Variants in SLC12A3 observed in about 807,000 individuals in gnomAD.
SLC12A3 encodes solute carrier family 12 member 3.
SLC12A3 carries 104 observed loss-of-function variants against 121.0 expected under a neutral mutation model. The ratio of observed to expected loss-of-function variants is 0.86; its 90% CI spans 0.73 to 1.01. SLC12A3 has a LOEUF of 1.01. SLC12A3 is among the 50% of genes least tolerant of loss of function. The probability of loss-of-function intolerance (pLI) is 0.00; values close to 1 mark genes in which losing one functional copy is unlikely to be tolerated. For missense variants in SLC12A3, 1,328 were observed against 1,356.3 expected (o/e 0.98, Z 0.33); for synonymous variants, 536 against 533.4 (o/e 1.00, Z -0.07).
chr16:56,867,191 G>A lies in SLC12A3; in HGVS notation c.404G>A (p.Arg135His), dbSNP rs769047841. 50 of 1,612,438 alleles carry A rather than the reference G, an allele frequency of 3.1e-5. No homozygotes were observed. The Middle Eastern group carries it at 5.0e-4, about 16-fold the overall frequency. The change falls in exon 2 of 26, where the codon CGC becomes CAC. Residue 135 changes from arginine (R) to histidine (H), a missense_variant. Arg to His is a conservative substitution (Grantham distance 29). Transcript: ENST00000563236. ...GAGAAGAACCCCGAGGAGCCAGTGC[G>A]CTTCGGCTGGGTCAAGGGGGTGATG... is the stretch of plus-strand genomic sequence containing the variant. Reference protein sequence around the residue: ...SSEKNPEEPVRFGWVKGVMIR... With the variant: ...SSEKNPEEPVHFGWVKGVMIR...
At position 56,865,377 on chromosome 16, in the gene SLC12A3, A is replaced by G. The variant is rs769776208; in HGVS notation, c.142A>G (p.Ser48Gly). 1 of 1,614,138 alleles carries G rather than the reference A, an allele frequency of 6.2e-7. No individual in the cohort carries two copies. Among genetic ancestry groups the G allele is most frequent in the South Asian group, 1.1e-5 (1 of 91,086 alleles). Reference sequence around the variant, plus strand: ...CAGCCACCCCAGCCACCTGACCCACAGCAGCACCTTCTGCATGCGCACCTT... The same window carrying G: ...CAGCCACCCCAGCCACCTGACCCACGGCAGCACCTTCTGCATGCGCACCTT... ...DSSHPSHLTH[S>G]STFCMRTFGY... The change falls in exon 1 of 26, where the codon AGC becomes GGC. Residue 48 changes from serine (S) to glycine (G), a missense_variant. Physicochemically the swap from Ser to Gly is moderately conservative, Grantham distance 56 (BLOSUM62 0). Transcript: ENST00000563236.
At chr16:56,881,676 A>C (rs2055242107) in intron 12 of SLC12A3, among the ~76,000 whole-genome samples, 1 of 151,980 alleles carries the variant, frequency 6.6e-6, no homozygotes, top group Non-Finnish European at 1.5e-5. Flanking sequence ...AAGAGGAAGC[A>C]GTTCTTGGGT....
At chr16:56,896,268 G>T (rs780695687) in intron 22 of SLC12A3, among the ~76,000 whole-genome samples, 3 of 152,194 alleles carry the variant, frequency 2.0e-5, no homozygotes, top group African/African-American at 7.2e-5. Context: ...AGAAAGTCCT[G>T]GTTTAGCCTT....
chr16:56,909,656 G>C (rs1449531652), intron 25 of SLC12A3, among the ~76,000 whole-genome samples: 3 of 152,048 alleles, frequency 2.0e-5, no homozygotes, highest in African/African-American at 7.2e-5. Flanking sequence ...CTCCAACCTG[G>C]AGCCATGCCT....
rs1444011173 is a variant in SLC12A3, at chr16:56,887,012, G to T, written c.2097G>T (p.Trp699Cys). The change falls in exon 17 of 26, where the codon TGG (tryptophan) becomes TGT (cysteine). Residue 699 changes from tryptophan to cysteine, a missense_variant. Transcript: ENST00000563236. ...TCATCGCCAACGGGCACACCAAGTGGCTGAACAAGAGGAAGATCAAGGCCT... is the reference window on the plus strand; with the variant it reads ...TCATCGCCAACGGGCACACCAAGTGTCTGAACAAGAGGAAGATCAAGGCCT... ...LQLIANGHTKWLNKRKIKAFY... is the reference protein window; with the variant it reads ...LQLIANGHTKCLNKRKIKAFY... The T allele has an allele frequency of 6.2e-7, 1 of 1,613,974 alleles. No homozygotes were observed. The highest frequency in any genetic ancestry group is 1.3e-5 in the African/African-American group (1 of 75,036).
At chr16:56,885,162 G>C in intron 14 of SLC12A3, 103 bp from the exon 15 acceptor site, 1 of 796,356 alleles carries the variant, frequency 1.3e-6, no homozygotes, top group South Asian at 1.5e-5. Flanking sequence ...CGGGTGCCCG[G>C]TGCCTAGAGA....
chr16:56,903,224 C>T (rs1362297406), intron 24 of SLC12A3, among the ~76,000 whole-genome samples: 1 of 152,172 alleles, frequency 6.6e-6, no homozygotes, highest in African/African-American at 2.4e-5. Flanking sequence ...AGACCCTACC[C>T]CTGCCACAGC....
intron 4 of SLC12A3, 98 bp from the exon 5 acceptor site, chr16:56,869,997 TG>T: frequency 6.7e-7 from 1 of 1,502,196 alleles, no homozygotes; most frequent in Non-Finnish European, 9.2e-7. Context: ...TCCTGCCCCG[TG>T]GGTCCTGTGG....
chr16:56,880,080 G>A (rs748060739), intron 11 of SLC12A3, 50 bp from the exon 12 acceptor site: 2 of 1,593,324 alleles, frequency 1.3e-6, no homozygotes, highest in Admixed American at 1.8e-5. Context: ...CCAGGGGAGG[G>A]GAAGTGGCAG....
In SLC12A3 at chr16:56,872,465, A is replaced by G. The variant is rs373573152; in HGVS notation, c.964+3A>G. 6 of 1,611,244 alleles carry G rather than the reference A, an allele frequency of 3.7e-6. No homozygotes were observed. The African/African-American group carries it at 8.0e-5, about 22-fold the overall frequency. ...CAAAGGCTTCTTCAGCTACCGGGGT[A>G]TGTGCTGATCAAGGCCCTGACCATG... On this transcript the variant is annotated splice_donor_region_variant and intron_variant, in intron 7 of 25. Transcript: ENST00000563236.
chr16:56,908,538 A>C (rs1246800835), intron 25 of SLC12A3, among the ~76,000 whole-genome samples: 1 of 152,186 alleles, frequency 6.6e-6, no homozygotes, highest in South Asian at 2.1e-4. Flanking sequence ...AAAAAAAGAA[A>C]AAAAGAAGAA....
chr16:56,873,374 C>CTTTTTTTTTTTT (rs59478629), intron 8 of SLC12A3, among the ~76,000 whole-genome samples: 12 of 75,368 alleles, frequency 1.6e-4, no homozygotes, highest in Non-Finnish European at 2.7e-4. Context: ...CTCTTTCTTT[C>CTTTTTTTTTTTT]TTTTTTTTTT....
intron 21 of SLC12A3, among the ~76,000 whole-genome samples, chr16:56,893,971 T>TTTTA (rs56844793): frequency 0.15 from 16,966 of 116,268 alleles, 1,316 homozygotes; most frequent in East Asian, 0.27. Flanking sequence ...TTTATTTTTA[T>TTTTA]TTTATTTATT....
At chr16:56,887,862 C>T in intron 17 of SLC12A3, 63 bp from the exon 18 acceptor site, 1 of 1,107,330 alleles carries the variant, frequency 9.0e-7, no homozygotes, top group South Asian at 1.2e-5. Flanking sequence ...GGGGCTCTGG[C>T]CAGGTGGATC....
At chr16:56,904,539 G>A in intron 25 of SLC12A3, 77 bp downstream of exon 25, 1 of 1,401,626 alleles carries the variant, frequency 7.1e-7, no homozygotes, top group South Asian at 1.2e-5. Flanking sequence ...GGCTCAGCAG[G>A]GGCACCACGG....
Position 56,868,341 on chromosome 16 carries a change from G to A in SLC12A3, c.474G>A (p.Arg158=), listed in dbSNP as rs535604077. Residue 158 remains arginine (R), a synonymous_variant, in exon 3 of 26, where the codon CGG becomes CGA. Coordinates refer to ENST00000563236, the MANE Select transcript of SLC12A3 (RefSeq NM_001126108.2). ...TTTGGGGCGTGATCCTCTACCTGCG[G>A]CTGCCCTGGATTACGGCCCAGGCAG... ...LNIWGVILYL[R]LPWITAQAGI... The A allele has an allele frequency of 2.5e-6, 4 of 1,613,710 alleles. No homozygotes were observed. Among genetic ancestry groups the A allele is most frequent in the Non-Finnish European group, 3.4e-6 (4 of 1,179,962 alleles).
intron 8 of SLC12A3, among the ~76,000 whole-genome samples, chr16:56,875,546 G>A (rs1434528610): frequency 7.9e-5 from 12 of 152,036 alleles, no homozygotes; most frequent in African/African-American, 1.7e-4. Context: ...AAACAGAGAG[G>A]CCTCAACTAC....
intron 14 of SLC12A3, 32 bp from the exon 15 acceptor site, chr16:56,885,233 C>A: frequency 7.8e-7 from 1 of 1,274,466 alleles, no homozygotes; most frequent in Non-Finnish European, 1.1e-6. Context: ...CCTAACTCTG[C>A]TCTCACCCCC....
At position 56,887,077 on chromosome 16, in the gene SLC12A3, T is replaced by C; in HGVS notation, c.2162T>C (p.Val721Ala). Residue 721 changes from valine to alanine, a missense_variant, in exon 17 of 26, where the codon GTC becomes GCC. By Grantham distance (64) the Val-to-Ala change is moderately conservative (BLOSUM62 0). Coordinates refer to ENST00000563236, the MANE Select transcript of SLC12A3 (RefSeq NM_001126108.2). ...DVIAEDLRRG[V>A]QILMQAAGLG... ...ATTGCCGAGGACCTCCGCAGAGGCG[T>C]CCAGATCCTCATGCAGGTGCCATGG... The C allele has an allele frequency of 6.2e-7, 1 of 1,613,964 alleles. No homozygotes were observed.
Sources: gnomAD v4.1 joint callset for allele counts (sites outside exome capture counted in the v4.1 genomes callset) on GRCh38, gnomAD v4.1.1 for gene constraint, MANE v1.5 for transcripts, NCBI Gene and HGNC (gene_info 2026-07-23, HGNC 2026-07-21) for gene names.